Variants in CHD8 observed in about 807,000 individuals in gnomAD.
CHD8 encodes the protein ATP-dependent chromatin remodeler CHD8.
Under a neutral mutation model 279.2 loss-of-function variants are expected in CHD8, and 31 were observed. The observed-to-expected ratio is 0.11, with a 90% confidence interval of 0.08 to 0.15. The LOEUF (loss-of-function observed/expected upper bound fraction) is 0.15, where lower values mean the gene tolerates loss of function less well. Ranked by LOEUF, CHD8 falls within the 10% of genes least tolerant of loss-of-function variation. The probability of loss-of-function intolerance (pLI) is 1.00; values close to 1 mark genes in which losing one functional copy is unlikely to be tolerated. For missense variants in CHD8, 2,146 were observed against 3,230.5 expected (o/e 0.66, Z 8.14); for synonymous variants, 1,081 against 1,139.6 (o/e 0.95, Z 1.04).
chr14:21,417,349 AAAGGCCCATC>A (rs1461296284), intron 5 of CHD8, among the ~76,000 whole-genome samples: 1 of 152,154 alleles, frequency 6.6e-6, no homozygotes, highest in Non-Finnish European at 1.5e-5. Flanking sequence ...GAAAAAACCT[AAAGGCCCATC>A]AACAGGGGAT....
intron 37 of CHD8, among the ~76,000 whole-genome samples, chr14:21,387,019 AAATTT>A (rs1408635650): frequency 2.0e-5 from 3 of 152,230 alleles, no homozygotes; most frequent in Non-Finnish European, 2.9e-5. Flanking sequence ...ACTCCTCACT[AAATTT>A]AATAAAATAA....
intron 37 of CHD8, among the ~76,000 whole-genome samples, chr14:21,388,827 TG>T (rs745796968): frequency 4.7e-4 from 71 of 152,308 alleles, no homozygotes; most frequent in South Asian, 8.3e-4. Flanking sequence ...CCATGGATTT[TG>T]GTATCTGCAG....
chr14:21,426,100 C>T, intron 5 of CHD8, 28 bp downstream of exon 5: 1 of 1,325,314 alleles, frequency 7.5e-7, no homozygotes, highest in Admixed American at 1.9e-5. Context: ...ATGGTTTTTT[C>T]TACTAAATTC....
At chr14:21,390,259 T>C (rs1412727857) in intron 37 of CHD8, among the ~76,000 whole-genome samples, 1 of 151,958 alleles carries the variant, frequency 6.6e-6, no homozygotes, top group Non-Finnish European at 1.5e-5. Context: ...ACTTAAGAAA[T>C]TGCTTTAAAA....
intron 14 of CHD8, 90 bp downstream of exon 14, chr14:21,406,766 T>C (rs1373281460): frequency 8.4e-7 from 1 of 1,188,738 alleles, no homozygotes; most frequent in Non-Finnish European, 1.2e-6. Flanking sequence ...TTCAGACTTT[T>C]CTTCTCTGCT....
At chr14:21,417,239 A>G (rs538104809) in intron 5 of CHD8, among the ~76,000 whole-genome samples, 1 of 152,232 alleles carries the variant, frequency 6.6e-6, no homozygotes, top group South Asian at 2.1e-4. Flanking sequence ...AAATTTGGCA[A>G]CACCCTTTGA....
chr14:21,390,798 C>T (rs1287011818), intron 37 of CHD8, 149 bp downstream of exon 37: 6 of 544,060 alleles, frequency 1.1e-5, no homozygotes, highest in South Asian at 5.4e-5. Context: ...CAGAAAACTC[C>T]GGTTTCCTTA....
intron 5 of CHD8, among the ~76,000 whole-genome samples, chr14:21,421,377 T>A (rs1232250678): frequency 1.3e-5 from 2 of 151,662 alleles, no homozygotes; most frequent in South Asian, 4.2e-4. Flanking sequence ...TTAACTGCCA[T>A]CTAGTATTCT....
intron 1 of CHD8, among the ~76,000 whole-genome samples, chr14:21,440,871 G>A (rs950500191): frequency 6.6e-6 from 1 of 152,148 alleles, no homozygotes; most frequent in Non-Finnish European, 1.5e-5. Flanking sequence ...GAGGACAGAG[G>A]ACACAGAAGC....
intron 35 of CHD8, 39 bp from the exon 36 acceptor site, chr14:21,391,681 T>C: frequency 6.7e-7 from 1 of 1,493,906 alleles, no homozygotes. Flanking sequence ...CACATACTCT[T>C]CTTTGGGGGA....
At chr14:21,418,360 A>T (rs1269423992) in intron 5 of CHD8, among the ~76,000 whole-genome samples, 1 of 151,890 alleles carries the variant, frequency 6.6e-6, no homozygotes, top group African/African-American at 2.4e-5. Context: ...TCTACTAAAA[A>T]TACAAAAAAA....
At chr14:21,445,478 C>G (rs960665250) in intron 1 of CHD8, among the ~76,000 whole-genome samples, 4 of 151,200 alleles carry the variant, frequency 2.6e-5, no homozygotes, top group African/African-American at 9.7e-5. Flanking sequence ...GTCAGGAGTT[C>G]GTTCAAGACC....
rs1383249042 is a variant in CHD8, at chr14:21,394,285, G to A, written c.5591C>T (p.Ala1864Val). The change falls in exon 31 of 38, where the codon GCT (alanine) becomes GTT (valine). Residue 1864 changes from alanine (A) to valine (V), a missense_variant. Transcript: ENST00000646647. ...CRQVCRLPPA[A>V]GDEPPDPNLF... Reference sequence around the variant, plus strand: ...TCTGCAATCTTGCTTACCATCTCCAGCTGCTGGGGGAAGGCGGCATACTTG... The same window carrying A: ...TCTGCAATCTTGCTTACCATCTCCAACTGCTGGGGGAAGGCGGCATACTTG... 4 of 1,613,832 alleles carry A rather than the reference G, an allele frequency of 2.5e-6. No homozygotes were observed. The Admixed American group carries it at 6.7e-5, about 27-fold the overall frequency.
chr14:21,420,332 G>A (rs1888968653), intron 5 of CHD8, among the ~76,000 whole-genome samples: 1 of 152,190 alleles, frequency 6.6e-6, no homozygotes, highest in African/African-American at 2.4e-5. Context: ...TCTTTAGGTT[G>A]ATGTGCCTGG....
chr14:21,400,314 A>G lies in CHD8; in HGVS notation c.4571-7T>C. On this transcript the variant is annotated splice_polypyrimidine_tract_variant and splice_region_variant and intron_variant, in intron 23 of 37. Coordinates refer to ENST00000646647, the MANE Select transcript of CHD8 (RefSeq NM_001170629.2). This position sits in a 1 kb window ranked among gnomAD's most constrained non-coding sequence, Gnocchi z 4.2. The stretch of plus-strand genomic sequence containing the variant: ...GGCACAGGGATAGATAGACCTGGGA[A>G]AGGGGAGACATCAAAGACTTGGATT... 1 of 1,613,802 alleles carries G rather than the reference A, an allele frequency of 6.2e-7. No homozygotes were observed. The highest frequency in any genetic ancestry group is 8.5e-7 in the Non-Finnish European group (1 of 1,179,848).
chr14:21,428,176 A>G lies in CHD8; in HGVS notation c.1294T>C (p.Ser432Pro), dbSNP rs1301636046. 6.2e-7 allele frequency: 1 copy of G among 1,613,878 alleles called. No individual in the cohort carries two copies. The highest frequency in any genetic ancestry group is 8.5e-7 in the Non-Finnish European group (1 of 1,179,896). ...LSASEVAALSSPASSAPHSGG... is the reference protein window; with the variant it reads ...LSASEVAALSPPASSAPHSGG... ...GAATGAGGAGCAGAGCTTGCTGGTG[A>G]TGACAAAGCTGCCACTTCACTGGCA... The change falls in exon 4 of 38, where the codon TCA becomes CCA. Residue 432 changes from serine (S) to proline (P), a missense_variant. Physicochemically the swap from Ser to Pro is moderately conservative, Grantham distance 74 (BLOSUM62 -1). Transcript: ENST00000646647.
intron 1 of CHD8, chr14:21,436,885 G>T (rs975217632): frequency 6.0e-6 from 6 of 997,924 alleles, no homozygotes; most frequent in African/African-American, 1.8e-5. Context: ...GGGTGGGGGG[G>T]ACCCGGGTAC....
chr14:21,429,434 ACAGGT>A (rs1357339256), intron 2 of CHD8, 99 bp from the exon 3 acceptor site: 1 of 1,215,092 alleles, frequency 8.2e-7, no homozygotes, highest in African/African-American at 1.5e-5. Context: ...CATAAAAACT[ACAGGT>A]CAGAAGACAC....
At chr14:21,453,170 T>G (rs567007871) in intron 1 of CHD8, among the ~76,000 whole-genome samples, 27 of 151,616 alleles carry the variant, frequency 1.8e-4, no homozygotes, top group African/African-American at 6.6e-4. Flanking sequence ...ACAACTCTCA[T>G]TTGGGTGCTA....
Sources: gnomAD v4.1 joint callset for allele counts (sites outside exome capture counted in the v4.1 genomes callset) on GRCh38, gnomAD v4.1.1 for gene constraint, Gnocchi (gnomAD v3.1) non-coding constraint, MANE v1.5 for transcripts, NCBI Gene and HGNC (gene_info 2026-07-23, HGNC 2026-07-21) for gene names.